The following ZNF722 variants were observed in gnomAD, a reference collection of about 807,000 sequenced individuals.
ZNF722 encodes zinc finger protein 722, also known as zinc finger protein 479 pseudogene.
At chr7:64,007,589 G>C in the ZNF722 span, among the ~76,000 whole-genome samples, 1 of 152,100 alleles carries the variant, frequency 6.6e-6, no homozygotes, top group African/African-American at 2.4e-5. Context: ...TTTTATGGCT[G>C]CATAGTATTC....
the ZNF722 span, among the ~76,000 whole-genome samples, chr7:64,011,124 A>G: frequency 7.3e-5 from 11 of 149,890 alleles, no homozygotes; most frequent in Non-Finnish European, 1.2e-4. Flanking sequence ...CCATCCTTTT[A>G]TTTTGAACCT....
chr7:63,999,728 C>T, the ZNF722 span, among the ~76,000 whole-genome samples: 5 of 152,110 alleles, frequency 3.3e-5, no homozygotes, highest in Admixed American at 6.5e-5. Context: ...GAGGGAGTCT[C>T]GCTCTGTCAC....
At chr7:64,010,036 G>A in the ZNF722 span, among the ~76,000 whole-genome samples, 4 of 152,162 alleles carry the variant, frequency 2.6e-5, no homozygotes, top group African/African-American at 9.7e-5. Context: ...GTGTAGAGGT[G>A]TTTATAGTAT....
chr7:64,007,655 G>C, the ZNF722 span, among the ~76,000 whole-genome samples: 2 of 152,096 alleles, frequency 1.3e-5, no homozygotes, highest in Non-Finnish European at 2.9e-5. Context: ...TGGACATTTG[G>C]GTTGGTTCCA....
the ZNF722 span, among the ~76,000 whole-genome samples, chr7:64,006,833 GTATT>G: frequency 0.71 from 106,292 of 150,170 alleles, 38,181 homozygotes; most frequent in Non-Finnish European, 0.77. Context: ...ATATATGTAT[GTATT>G]TATTTATTTA....
chr7:64,000,436 C>CTGTTTT, the ZNF722 span, among the ~76,000 whole-genome samples: 2 of 23,674 alleles, frequency 8.4e-5, no homozygotes, highest in Admixed American at 8.7e-4. Context: ...CATGCCCGGC[C>CTGTTTT]TTTTTTTTTT....
At chr7:64,017,383 CA>C in the ZNF722 span, among the ~76,000 whole-genome samples, 1 of 151,122 alleles carries the variant, frequency 6.6e-6, no homozygotes, top group Non-Finnish European at 1.5e-5. Context: ...GACTCCATCT[CA>C]AAAAAACAAA....
chr7:64,000,126 T>TGTGTG, the ZNF722 span, among the ~76,000 whole-genome samples: 8 of 77,782 alleles, frequency 1.0e-4, no homozygotes, highest in East Asian at 2.9e-4. Flanking sequence ...TTACTTTTTT[T>TGTGTG]TTTTTTTGTG....
At chr7:64,006,144 C>G in the ZNF722 span, 219 of 745,226 alleles carry the variant, frequency 2.9e-4, no homozygotes, top group Non-Finnish European at 3.9e-4. Context: ...CTATTAAATC[C>G]TCTTTACTAA....
At chr7:64,012,064 G>A in the ZNF722 span, among the ~76,000 whole-genome samples, 6 of 151,596 alleles carry the variant, frequency 4.0e-5, no homozygotes, top group South Asian at 4.2e-4. Flanking sequence ...TGATTGAATC[G>A]GCTACTGAAG....
chr7:64,005,775 G>T, the ZNF722 span: 3 of 1,455,836 alleles, frequency 2.1e-6, no homozygotes, highest in Non-Finnish European at 2.8e-6. Context: ...CTAATATATT[G>T]CCTTTCTCTC....
At chr7:64,017,746 G>A in the ZNF722 span, among the ~76,000 whole-genome samples, 1 of 152,154 alleles carries the variant, frequency 6.6e-6, no homozygotes, top group Non-Finnish European at 1.5e-5. Flanking sequence ...TGAAACTTCA[G>A]ACATTACACT....
chr7:64,004,642 A>T, the ZNF722 span, among the ~76,000 whole-genome samples: 2 of 151,772 alleles, frequency 1.3e-5, no homozygotes, highest in Non-Finnish European at 2.9e-5. Context: ...TATTCTCTTA[A>T]TTATTAAGTA....
At chr7:64,016,675 G>A in the ZNF722 span, among the ~76,000 whole-genome samples, 31 of 152,098 alleles carry the variant, frequency 2.0e-4, no homozygotes, top group Non-Finnish European at 4.4e-4. Context: ...TGATATTGGA[G>A]AGAACCCCTG....
chr7:64,012,833 C>A, the ZNF722 span, among the ~76,000 whole-genome samples: 1 of 152,112 alleles, frequency 6.6e-6, no homozygotes, highest in South Asian at 2.1e-4. Flanking sequence ...ATCGTGGAGA[C>A]AAATCCCTTA....
the ZNF722 span, chr7:64,015,516 A>T: frequency 1.2e-6 from 2 of 1,613,040 alleles, no homozygotes; most frequent in Non-Finnish European, 1.7e-6. Flanking sequence ...CAAAGCCTTT[A>T]GGTGGCCCTC....
chr7:64,004,789 G>A, the ZNF722 span, among the ~76,000 whole-genome samples: 2 of 152,138 alleles, frequency 1.3e-5, no homozygotes, highest in East Asian at 3.9e-4. Context: ...GAGAAACTGG[G>A]AAAAACTCAG....
the ZNF722 span, among the ~76,000 whole-genome samples, chr7:64,006,668 T>A: frequency 2.1e-4 from 32 of 152,286 alleles, no homozygotes; most frequent in Admixed American, 1.8e-3. Flanking sequence ...AAACTATTTA[T>A]AAAATTTTTT....
the ZNF722 span, among the ~76,000 whole-genome samples, chr7:64,012,572 C>T: frequency 6.6e-6 from 1 of 152,134 alleles, no homozygotes; most frequent in East Asian, 1.9e-4. Flanking sequence ...CTTGGCCTCG[C>T]AAAGTGCTGA....
Sources: allele counts gnomAD v4.1 joint callset (sites outside exome capture counted in the v4.1 genomes callset), GRCh38; gene constraint gnomAD v4.1.1; transcripts MANE v1.5; gene names NCBI Gene and HGNC (gene_info 2026-07-23, HGNC 2026-07-21).